The following LILRA5 variants were observed in gnomAD, a reference collection of about 807,000 sequenced individuals.
LILRA5 encodes leukocyte immunoglobulin-like receptor subfamily A member 5.
LILRA5 carries 31 observed loss-of-function variants against 36.3 expected under a neutral mutation model. That is an observed-to-expected ratio of 0.85 (90% CI 0.64 to 1.15). LILRA5 has a LOEUF of 1.15. LILRA5 is among the 50% of genes most tolerant of loss of function. The probability of loss-of-function intolerance (pLI) is 0.00; values close to 1 mark genes in which losing one functional copy is unlikely to be tolerated. For synonymous variants in LILRA5, 144 were observed against 144.8 expected, an observed-to-expected ratio of 0.99 and a Z score of 0.04; for missense variants, 348 against 377.4, an observed-to-expected ratio of 0.92 and a Z score of 0.64.
intron 6 of LILRA5, 51 bp from the exon 7 acceptor site, chr19:54,307,600 C>A: frequency 1.9e-6 from 3 of 1,613,084 alleles, no homozygotes; most frequent in Non-Finnish European, 2.5e-6. Context: ...ATCAGTATCA[C>A]CCAGGACCCC....
chr19:54,313,142 G>A lies in LILRA5; in HGVS notation c.-123C>T. 9.8e-7 allele frequency: 1 copy of A among 1,020,554 alleles called. No homozygotes were observed. Among genetic ancestry groups the A allele is most frequent in the Non-Finnish European group, 1.5e-6 (1 of 657,276 alleles). The allele number at this position is 1,020,554 out of a possible 1,614,324, so 63.2% of individuals were successfully genotyped here. ...GTGTAGCCCAGGCTGAGCTGCATGTGGCAATGAGCACAGAGGAGAAATGCA... is the reference window on the plus strand; with the variant it reads ...GTGTAGCCCAGGCTGAGCTGCATGTAGCAATGAGCACAGAGGAGAAATGCA... On this transcript the variant is annotated 5_prime_UTR_variant, in exon 1 of 7. Coordinates refer to ENST00000432233, the MANE Select transcript of LILRA5 (RefSeq NM_021250.4).
rs768898476 is a variant in LILRA5, at chr19:54,311,388, A to G, written c.712+26T>C. The G allele has an allele frequency of 7.1e-5, 115 of 1,614,018 alleles. No individual in the cohort carries two copies. The Middle Eastern group carries it at 1.6e-3, about 23-fold the overall frequency. On this transcript the variant is annotated intron_variant, in intron 5 of 6. Coordinates refer to ENST00000432233, the MANE Select transcript of LILRA5 (RefSeq NM_021250.4). Reference sequence around the variant, plus strand: ...AACCTGTCTGGCTTCCCTGAATTGTACTAGAGAAGACTGTGGCTTCCTCAC... The same window carrying G: ...AACCTGTCTGGCTTCCCTGAATTGTGCTAGAGAAGACTGTGGCTTCCTCAC...
In LILRA5 at chr19:54,312,353, TG is replaced by T; in HGVS notation, c.105del (p.Arg36GlyfsTer21). ...GACTCACCTGCCTGCACGTGGGTCC[TG>T]GGGCCCAGACTCAGCCCTGGAAGAG... ...VLLCLGLSLG[P>X]RTHVQAGNLS... On this transcript the variant is annotated frameshift_variant, in exon 3 of 7. Transcript: ENST00000432233. LOFTEE classifies it high-confidence loss of function. 1 of 1,614,216 alleles carries T rather than the reference TG, an allele frequency of 6.2e-7. No homozygotes were observed. Among genetic ancestry groups the T allele is most frequent in the Non-Finnish European group, 8.5e-7 (1 of 1,180,024 alleles).
Position 54,311,924 on chromosome 19 carries a change from A to G in LILRA5, c.349T>C (p.Tyr117His). The part of the protein sequence containing the change: ...TEHHAGRYRC[Y>H]YYSPAGWSEP... ...GACCAGCCTGCAGGGCTGTAGTAGT[A>G]ACAGCGGTATCTCCCTGCATGGTGC... Residue 117 changes from tyrosine (Y) to histidine (H), a missense_variant, in exon 4 of 7, where the codon TAC becomes CAC. Coordinates refer to ENST00000432233, the MANE Select transcript of LILRA5 (RefSeq NM_021250.4). 6 of 1,614,150 alleles carry G rather than the reference A, an allele frequency of 3.7e-6. No homozygotes were observed. In the South Asian group the frequency reaches 4.4e-5, roughly 12 times the overall value.
intron 5 of LILRA5, chr19:54,310,024 G>T: frequency 3.1e-6 from 1 of 318,956 alleles, no homozygotes; most frequent in Non-Finnish European, 6.2e-6. Context: ...AGCAGGTCTG[G>T]CGTGGACTCC....
In LILRA5 at chr19:54,311,618, T is replaced by C. The variant is rs139609631; in HGVS notation, c.508A>G (p.Arg170Gly). The C allele has an allele frequency of 9.5e-5, 154 of 1,614,156 alleles. No individual in the cohort carries two copies. In the African/African-American group the frequency reaches 1.9e-3, roughly 20 times the overall value. The change falls in exon 5 of 7, where the codon AGG becomes GGG. Residue 170 changes from arginine (R) to glycine (G), a missense_variant. Arg to Gly is a moderately radical substitution (Grantham distance 125). Coordinates refer to ENST00000432233, the MANE Select transcript of LILRA5 (RefSeq NM_021250.4). The part of the protein sequence containing the change: ...LQCGSRLRFD[R>G]FILTEEGDHK... The stretch of plus-strand genomic sequence containing the variant: ...TCTCCTTCCTCAGTCAGAATGAACC[T>C]GTCGAATCTCAGCCGTGAGCCACAC...
rs1239875162 is a variant in LILRA5, at chr19:54,312,003, C to A, written c.270G>T (p.Gln90His). 6.2e-7 allele frequency: 1 copy of A among 1,614,174 alleles called. No homozygotes were observed. The highest frequency in any genetic ancestry group is 8.5e-7 in the Non-Finnish European group (1 of 1,180,024). ...CCTTGTTCTTGGGCTCCAGTGGGTTCTGTGTGTCCCAGGGTTCTGGGCTTC... is the reference window on the plus strand; with the variant it reads ...CCTTGTTCTTGGGCTCCAGTGGGTTATGTGTGTCCCAGGGTTCTGGGCTTC... ...KEGSPEPWDT[Q>H]NPLEPKNKAR... is the part of the protein sequence containing the mutation. Residue 90 changes from glutamine to histidine, a missense_variant, in exon 4 of 7, where the codon CAG (glutamine) becomes CAT (histidine). By Grantham distance (24) the Gln-to-His change is conservative. Coordinates refer to ENST00000432233, the MANE Select transcript of LILRA5 (RefSeq NM_021250.4).
At chr19:54,308,170 G>T in intron 5 of LILRA5, 1 of 172,242 alleles carries the variant, frequency 5.8e-6, no homozygotes, top group South Asian at 1.4e-4. Context: ...TGGTCCTCAG[G>T]GGCTCCTGAA....
chr19:54,309,780 T>C (rs186231221), intron 5 of LILRA5: 2 of 152,726 alleles, frequency 1.3e-5, no homozygotes, highest in East Asian at 1.9e-4. Context: ...TATTCAAATA[T>C]TGTTTTAAAA....
At chr19:54,307,811 C>A in intron 5 of LILRA5, 63 bp from the exon 6 acceptor site, 2 of 1,379,452 alleles carry the variant, frequency 1.4e-6, no homozygotes, top group Non-Finnish European at 2.1e-6. Context: ...CCCAGCCTCT[C>A]CCCTGAGCTC....
intron 5 of LILRA5, chr19:54,310,097 TC>T: frequency 4.6e-6 from 1 of 217,014 alleles, no homozygotes; most frequent in Non-Finnish European, 9.4e-6. Flanking sequence ...CTGAGTGGGC[TC>T]AGGGACCCCG....
rs544019619 is a variant in LILRA5 at position 54,312,831 on chromosome 19, C to T, written c.3+186G>A. 27 of 821,488 alleles carry T rather than the reference C, an allele frequency of 3.3e-5. No homozygotes were observed. The East Asian group carries it at 4.3e-4, about 13-fold the overall frequency. 50.9% of individuals were successfully genotyped at this position (821,488 alleles called of 1,614,324 possible). On this transcript the variant is annotated intron_variant, in intron 1 of 6. Coordinates refer to ENST00000432233, the MANE Select transcript of LILRA5 (RefSeq NM_021250.4). ...AGACAGAAGTGGGGTCTCCCTTCCC[C>T]GGGCCACTGTCTGCCTGATTTATCT...
At chr19:54,310,187 CCT>C in intron 5 of LILRA5, 1 of 167,402 alleles carries the variant, frequency 6.0e-6, no homozygotes, top group East Asian at 1.9e-4. Flanking sequence ...GTCCGTCTGT[CCT>C]CTCTCCAACT....
chr19:54,307,823 G>A, intron 5 of LILRA5, 75 bp from the exon 6 acceptor site: 1 of 1,241,360 alleles, frequency 8.1e-7, no homozygotes, highest in Non-Finnish European at 1.2e-6. Flanking sequence ...CCTGAGCTCT[G>A]CATTCTCCTA....
chr19:54,312,021 T>G lies in LILRA5; in HGVS notation c.252A>C (p.Pro84=), dbSNP rs1438916028. 1.2e-6 allele frequency: 2 copies of G among 1,614,212 alleles called. No homozygotes were observed. ...QEYRLVKEGS[P]EPWDTQNPLE... is the part of the protein sequence containing the mutation. ...GTGGGTTCTGTGTGTCCCAGGGTTCTGGGCTTCCCTCTTTAACCAGACGGT... is the reference window on the plus strand; with the variant it reads ...GTGGGTTCTGTGTGTCCCAGGGTTCGGGGCTTCCCTCTTTAACCAGACGGT... The change falls in exon 4 of 7, where the codon CCA becomes CCC. Residue 84 remains proline, a synonymous_variant. Coordinates refer to ENST00000432233, the MANE Select transcript of LILRA5 (RefSeq NM_021250.4).
intron 1 of LILRA5, 197 bp downstream of exon 1, chr19:54,312,820 T>C (rs953916820): frequency 1.8e-5 from 14 of 789,624 alleles, no homozygotes; most frequent in Non-Finnish European, 2.9e-5. Flanking sequence ...AGAAGTGGGG[T>C]CTCCCTTCCC....
rs74749229 is a variant in LILRA5, at chr19:54,312,873, C to T, written c.3+144G>A. On this transcript the variant is annotated intron_variant, in intron 1 of 6. Coordinates refer to ENST00000432233, the MANE Select transcript of LILRA5 (RefSeq NM_021250.4). ...GATTTATCTTTATCTCACTGAGAGCCGGGACACAGCAGCAAATAGACCCGG... is the reference window on the plus strand; with the variant it reads ...GATTTATCTTTATCTCACTGAGAGCTGGGACACAGCAGCAAATAGACCCGG... 9 of 1,041,580 alleles carry T rather than the reference C, an allele frequency of 8.6e-6. 1 individual carries two copies. The highest frequency in any genetic ancestry group is 2.4e-4 in the Middle Eastern group (1 of 4,084). 64.5% of individuals were successfully genotyped at this position (1,041,580 alleles called of 1,614,324 possible).
rs964505678 is a variant in LILRA5 at position 54,312,861 on chromosome 19, C to G, written c.3+156G>C. ...CACTGTCTGCCTGATTTATCTTTAT[C>G]TCACTGAGAGCCGGGACACAGCAGC... On this transcript the variant is annotated intron_variant, in intron 1 of 6. Transcript: ENST00000432233. The G allele has an allele frequency of 6.3e-6, 6 of 957,596 alleles. No homozygotes were observed. In the African/African-American group the frequency reaches 9.7e-5, roughly 15 times the overall value. The allele number at this position is 957,596 out of a possible 1,614,324, so 59.3% of individuals were successfully genotyped here. A position where few individuals can be genotyped will look rare whatever the true frequency, so the allele number is the denominator to read the frequency against.
rs2080908759 is a variant in LILRA5 at position 54,307,724 on chromosome 19, G to A, written c.737C>T (p.Ser246Leu). 2.5e-6 allele frequency: 4 copies of A among 1,614,136 alleles called. No individual in the cohort carries two copies. Among genetic ancestry groups the A allele is most frequent in the Non-Finnish European group, 3.4e-6 (4 of 1,180,004 alleles). ...AGTCCCAGAGTCAGACTTGTTTTGT[G>A]ACGGACTGAGGTTATCAGCTGCTCC... ...VSGAADNLSP[S>L]QNKSDSGTAS... is the part of the protein sequence containing the mutation. The change falls in exon 6 of 7, where the codon TCA becomes TTA. Residue 246 changes from serine to leucine, a missense_variant. Ser to Leu is a moderately radical substitution (Grantham distance 145, BLOSUM62 -2). Transcript: ENST00000432233.
Sources: gnomAD v4.1 joint callset for allele counts on GRCh38, gnomAD v4.1.1 for gene constraint, MANE v1.5 for transcripts, NCBI Gene and HGNC (gene_info 2026-07-23, HGNC 2026-07-21) for gene names.